CLASP1: variants seen among roughly 807,000 people sequenced by gnomAD.
CLASP1 encodes the protein cytoplasmic linker associated protein 1, also known as CLIP-associating protein 1.
Under a neutral mutation model 192.3 loss-of-function variants are expected in CLASP1, and 38 were observed. That is an observed-to-expected ratio of 0.20 (90% CI 0.15 to 0.26). CLASP1 has a LOEUF of 0.26. CLASP1 is among the 10% of genes least tolerant of loss of function. The probability of loss-of-function intolerance (pLI) is 1.00; values close to 1 mark genes in which losing one functional copy is unlikely to be tolerated. For missense variants in CLASP1, 1,433 were observed against 1,932.5 expected, an observed-to-expected ratio of 0.74 and a Z score of 4.85; for synonymous variants, 691 against 712.8, an observed-to-expected ratio of 0.97 and a Z score of 0.49.
rs752437598 is a variant in CLASP1 at position 121,530,278 on chromosome 2, C to T, written c.243G>A (p.Leu81=). 3.2e-6 allele frequency: 5 copies of T among 1,552,430 alleles called. No homozygotes were observed. The South Asian group carries it at 3.6e-5, about 11-fold the overall frequency. Reference sequence around the variant, plus strand: ...CGATCTGCGCCTTGAACCGATCCTGCAGCCGGGTCACCAGGGCGGACAGGA... The same window carrying T: ...CGATCTGCGCCTTGAACCGATCCTGTAGCCGGGTCACCAGGGCGGACAGGA... The change falls in exon 3 of 40, where the codon CTG becomes CTA. Residue 81 remains leucine, a synonymous_variant. Coordinates refer to ENST00000263710, the Ensembl canonical transcript of CLASP1.
At chr2:121,520,153 C>G (rs1018448193) in intron 6 of CLASP1, among the ~76,000 whole-genome samples, 2 of 152,272 alleles carry the variant, frequency 1.3e-5, no homozygotes, top group Middle Eastern at 3.4e-3. Context: ...AGTCACCTGC[C>G]CAATGCCCAC....
chr2:121,411,034 G>A, intron 23 of CLASP1, 65 bp from the exon 25 acceptor site: 1 of 1,006,308 alleles, frequency 9.9e-7, no homozygotes, highest in South Asian at 1.5e-5. Context: ...TCCTTGCAAG[G>A]ACTACTGCCT....
intron 37 of CLASP1, among the ~76,000 whole-genome samples, chr2:121,349,592 C>T (rs1007664446): frequency 2.0e-4 from 30 of 152,228 alleles, no homozygotes; most frequent in Non-Finnish European, 3.8e-4. Flanking sequence ...AAGAGGCCCA[C>T]CTGCCAGGCA....
exon 31 of CLASP1, chr2:121,387,764 A>G (rs1401665975): frequency 5.6e-6 from 9 of 1,613,846 alleles, no homozygotes; most frequent in Non-Finnish European, 6.8e-6. Context: ...AGCACTCACC[A>G]CACTGGTGTT....
chr2:121,567,826 T>G (rs2059636601), intron 2 of CLASP1, among the ~76,000 whole-genome samples: 1 of 152,172 alleles, frequency 6.6e-6, no homozygotes, highest in African/African-American at 2.4e-5. Flanking sequence ...AGAAATACCT[T>G]TGGAGCGCCA....
chr2:121,646,082 T>C (rs1198276279), intron 1 of CLASP1, among the ~76,000 whole-genome samples: 2 of 152,172 alleles, frequency 1.3e-5, no homozygotes, highest in African/African-American at 4.8e-5. Context: ...CTTCGCTTAG[T>C]TTTTGTTTTT....
At chr2:121,585,839 G>T (rs1423472294) in intron 2 of CLASP1, among the ~76,000 whole-genome samples, 2 of 150,640 alleles carry the variant, frequency 1.3e-5, no homozygotes, top group Admixed American at 1.3e-4. Flanking sequence ...AGAGGCGGTT[G>T]CAGTGAGCCG....
Position 121,525,829 on chromosome 2 carries a change from T to A in CLASP1, c.546+16A>T, listed in dbSNP as rs759040994. On this transcript the variant is annotated intron_variant, in intron 6 of 39. Coordinates refer to ENST00000263710, the Ensembl canonical transcript of CLASP1. ...GTAAGCAATGACTTCTCCCGAGGGT[T>A]TTCCTTCTCACTCACCTGGCTGTTT... 3.1e-6 allele frequency: 5 copies of A among 1,597,568 alleles called. No homozygotes were observed. The highest frequency in any genetic ancestry group is 4.3e-6 in the Non-Finnish European group (5 of 1,165,976).
At chr2:121,432,625 A>C (rs1330848165) in intron 19 of CLASP1, among the ~76,000 whole-genome samples, 1 of 152,158 alleles carries the variant, frequency 6.6e-6, no homozygotes. Context: ...TTCTATGTTT[A>C]TTTAACTTTG....
Position 121,503,027 on chromosome 2 carries a change from G to C in CLASP1, c.712+140C>G, listed in dbSNP as rs114052179. ...TGATTCACTGCATTGTTTCTGGCCT[G>C]GAAAACTGGGTGAATGGAGGTTAAG... On this transcript the variant is annotated intron_variant, in intron 8 of 39. Transcript: ENST00000263710. 2.5e-3 allele frequency: 1,504 copies of C among 606,818 alleles called. 14 individuals carry two copies. Among genetic ancestry groups the C allele is most frequent in the African/African-American group, 0.024 (1,296 of 53,872 alleles). The allele number at this position is 606,818 out of a possible 1,614,324, so 37.6% of individuals were successfully genotyped here. A position where few individuals can be genotyped will look rare whatever the true frequency, so the allele number is the denominator to read the frequency against.
intron 2 of CLASP1, among the ~76,000 whole-genome samples, chr2:121,593,137 T>C (rs991601677): frequency 3.9e-5 from 6 of 152,184 alleles, no homozygotes; most frequent in East Asian, 1.9e-4. Context: ...GGAAGAGATA[T>C]CGTGTGCCTC....
intron 12 of CLASP1, 31 bp from the exon 13 acceptor site, chr2:121,459,006 T>C (rs375171563): frequency 1.3e-6 from 2 of 1,529,556 alleles, no homozygotes; most frequent in African/African-American, 2.8e-5. Flanking sequence ...TGGACTATAG[T>C]TATTTTTCTT....
chr2:121,589,227 A>C (rs1038570827), intron 2 of CLASP1, among the ~76,000 whole-genome samples: 1 of 152,208 alleles, frequency 6.6e-6, no homozygotes, highest in Admixed American at 6.5e-5. Flanking sequence ...ATTACTGACC[A>C]TCATTTTCTT....
At chr2:121,599,014 G>A (rs1459491348) in intron 2 of CLASP1, among the ~76,000 whole-genome samples, 3 of 151,978 alleles carry the variant, frequency 2.0e-5, no homozygotes, top group East Asian at 3.9e-4. Context: ...ATACGTGCGT[G>A]CCACCACGCC....
intron 2 of CLASP1, chr2:121,530,996 A>C (rs558135361): frequency 5.7e-6 from 4 of 700,162 alleles, no homozygotes; most frequent in Non-Finnish European, 7.8e-6. Flanking sequence ...TTTTGGTGCA[A>C]TTTTTGGAAA....
chr2:121,573,535 A>C (rs2060174807), intron 2 of CLASP1, among the ~76,000 whole-genome samples: 1 of 152,194 alleles, frequency 6.6e-6, no homozygotes, highest in Non-Finnish European at 1.5e-5. Context: ...TAATTCTCTC[A>C]TATTAATTGA....
chr2:121,348,235 A>C (rs1395905565), intron 38 of CLASP1, among the ~76,000 whole-genome samples: 1 of 152,230 alleles, frequency 6.6e-6, no homozygotes, highest in Non-Finnish European at 1.5e-5. Context: ...GTTTGTTGAA[A>C]GAATGGACAA....
chr2:121,439,198 G>C (rs1451839394), intron 19 of CLASP1, among the ~76,000 whole-genome samples: 6 of 152,042 alleles, frequency 3.9e-5, no homozygotes, highest in Non-Finnish European at 8.8e-5. Context: ...ATTTTTTATT[G>C]CGTCTATTTG....
At chr2:121,357,481 A>G (rs1383945995) in intron 37 of CLASP1, among the ~76,000 whole-genome samples, 1 of 152,108 alleles carries the variant, frequency 6.6e-6, no homozygotes, top group Non-Finnish European at 1.5e-5. Flanking sequence ...GTCCACAATC[A>G]CAGCCCCCGA....
Sources: allele counts gnomAD v4.1 joint callset (sites outside exome capture counted in the v4.1 genomes callset), GRCh38; gene constraint gnomAD v4.1.1; transcripts MANE v1.5; gene names NCBI Gene and HGNC (gene_info 2026-07-23, HGNC 2026-07-21).